Variants in GLT1D1 observed in about 807,000 individuals in gnomAD.
GLT1D1 encodes the protein glycosyltransferase 1 domain-containing protein 1.
GLT1D1 carries 21 observed loss-of-function variants against 28.7 expected under a neutral mutation model. That is an observed-to-expected ratio of 0.73 (90% CI 0.52 to 1.05). The LOEUF is 1.05. GLT1D1 is among the 50% of genes least tolerant of loss of function. The pLI is 0.00. For synonymous variants in GLT1D1, 147 were observed against 124.8 expected (o/e 1.18, Z -1.19); for missense variants, 343 against 330.6 (o/e 1.04, Z -0.29).
At chr12:128,919,978 TCTCTCTCTCTCTCCCCCTCC>T (rs766266267) in intron 4 of GLT1D1, among the ~76,000 whole-genome samples, 10 of 64,716 alleles carry the variant, frequency 1.5e-4, no homozygotes, top group African/African-American at 3.5e-4. Flanking sequence ...TCTCTCTCTC[TCTCTCTCTCTCTCCCCCTCC>T]ATCTCTCTCT....
At chr12:128,901,289 A>AT (rs34574373) in intron 4 of GLT1D1, among the ~76,000 whole-genome samples, 68 of 148,958 alleles carry the variant, frequency 4.6e-4, no homozygotes, top group Middle Eastern at 6.9e-3. Flanking sequence ...ACATGTTGTT[A>AT]TTTTTTTTTT....
At chr12:128,959,325 C>T (rs955657019) in intron 7 of GLT1D1, among the ~76,000 whole-genome samples, 30 of 149,048 alleles carry the variant, frequency 2.0e-4, no homozygotes, top group African/African-American at 7.0e-4. Context: ...AGTGTGGTGA[C>T]GTGTCATGCT....
Position 128,853,563 on chromosome 12 carries a change from C to A in GLT1D1, c.-19C>A. On this transcript the variant is annotated 5_prime_UTR_variant, in exon 1 of 8. Transcript: ENST00000281703. The stretch of plus-strand genomic sequence containing the variant: ...CGGCGGCGGCGGGGCCGGTCGATGG[C>A]CCGGGCGGCGGCGGCGGCATGCGGC... The A allele has an allele frequency of 9.2e-7, 1 of 1,085,808 alleles. No individual in the cohort carries two copies. Among genetic ancestry groups the A allele is most frequent in the Non-Finnish European group, 1.1e-6 (1 of 895,644 alleles). 67.3% of individuals were successfully genotyped at this position (1,085,808 alleles called of 1,614,324 possible). A position where few individuals can be genotyped will look rare whatever the true frequency, so the allele number is the denominator to read the frequency against.
intron 4 of GLT1D1, among the ~76,000 whole-genome samples, chr12:128,908,370 TTTCTTTTCTTTCTC>T: frequency 1.8e-5 from 1 of 54,678 alleles, no homozygotes; most frequent in Non-Finnish European, 4.8e-5. Flanking sequence ...CTTTTCTTTC[TTTCTTTTCTTTCTC>T]TTTCTTTCTC....
At position 128,956,579 on chromosome 12, in the gene GLT1D1, G is replaced by A. The variant is rs117426959; in HGVS notation, c.541-966G>A. On this transcript the variant is annotated intron_variant, in intron 6 of 7. Transcript: ENST00000281703. ...CCACTAGGATCAACTGTTCATCCCC[G>A]ATCCTCACCTGAATCACTTATTACA... is the stretch of plus-strand genomic sequence containing the variant. 1.6e-3 allele frequency among the ~76,000 whole-genome samples: 245 copies of A among 152,188 alleles called. 3 individuals carry two copies. In the East Asian group the frequency reaches 0.044, roughly 27 times the overall value.
intron 7 of GLT1D1, among the ~76,000 whole-genome samples, chr12:128,970,314 C>A (rs1368254893): frequency 6.6e-6 from 1 of 152,198 alleles, no homozygotes; most frequent in Non-Finnish European, 1.5e-5. Context: ...AAGCCCGCCG[C>A]GCCCTCTCCC....
chr12:128,944,960 C>CT (rs1875836794), intron 4 of GLT1D1: 1 of 550,262 alleles, frequency 1.8e-6, no homozygotes, highest in Admixed American at 3.4e-5. Context: ...CCCCGACCCC[C>CT]AACAGGCCCC....
intron 4 of GLT1D1, among the ~76,000 whole-genome samples, chr12:128,905,755 G>A (rs1346732315): frequency 3.3e-5 from 5 of 152,042 alleles, no homozygotes; most frequent in Non-Finnish European, 4.4e-5. Context: ...CCTAGCACGC[G>A]TGATCAACGT....
At chr12:128,904,750 C>T (rs1870670646) in intron 4 of GLT1D1, among the ~76,000 whole-genome samples, 1 of 151,084 alleles carries the variant, frequency 6.6e-6, no homozygotes, top group South Asian at 2.1e-4. Flanking sequence ...TCTCCTGCCT[C>T]AGCTTCCCAA....
At chr12:128,858,768 A>T (rs1956288242) in intron 1 of GLT1D1, among the ~76,000 whole-genome samples, 1 of 152,166 alleles carries the variant, frequency 6.6e-6, no homozygotes, top group African/African-American at 2.4e-5. Context: ...CACCTTTTAA[A>T]GATCTGAAGA....
intron 1 of GLT1D1, among the ~76,000 whole-genome samples, chr12:128,857,404 A>T (rs961780733): frequency 6.6e-6 from 1 of 152,190 alleles, no homozygotes; most frequent in African/African-American, 2.4e-5. Context: ...GCTGCTATTC[A>T]GGCTTTGATG....
intron 7 of GLT1D1, among the ~76,000 whole-genome samples, chr12:128,981,559 G>A (rs554956420): frequency 3.3e-5 from 5 of 152,278 alleles, no homozygotes; most frequent in African/African-American, 9.6e-5. Context: ...TCTACTGTAC[G>A]ATAAATATTG....
At chr12:128,952,686 T>C (rs1364143365) in intron 6 of GLT1D1, among the ~76,000 whole-genome samples, 1 of 149,494 alleles carries the variant, frequency 6.7e-6, no homozygotes, top group East Asian at 2.0e-4. Context: ...TGTTGGTCAG[T>C]CTGGTCTTGA....
chr12:128,956,744 C>T (rs1433723666), intron 6 of GLT1D1, among the ~76,000 whole-genome samples: 1 of 152,138 alleles, frequency 6.6e-6, no homozygotes, highest in African/African-American at 2.4e-5. Flanking sequence ...CTTTCATTTC[C>T]CTCTCATGAC....
At chr12:128,906,990 G>A in intron 4 of GLT1D1, 1 of 701,678 alleles carries the variant, frequency 1.4e-6, no homozygotes, top group Non-Finnish European at 2.6e-6. Context: ...GTTAGCGCTG[G>A]CCTAATCGGA....
intron 4 of GLT1D1, chr12:128,944,455 G>A (rs1875752443): frequency 7.5e-7 from 1 of 1,336,456 alleles, no homozygotes; most frequent in African/African-American, 1.5e-5. Flanking sequence ...AACCATCTCT[G>A]GTTTATCATC....
At chr12:128,934,196 G>GTTTTTTTTTTTTT (rs1410503648) in intron 4 of GLT1D1, among the ~76,000 whole-genome samples, 1 of 128,686 alleles carries the variant, frequency 7.8e-6, no homozygotes, top group Non-Finnish European at 1.6e-5. Flanking sequence ...CAAAGAGACA[G>GTTTTTTTTTTTTT]TCTTTTTTTT....
chr12:128,906,042 G>A (rs1221614443), intron 4 of GLT1D1, among the ~76,000 whole-genome samples: 5 of 151,402 alleles, frequency 3.3e-5, no homozygotes, highest in African/African-American at 4.9e-5. Context: ...GTCTCACTGC[G>A]TTGCCCAGGC....
intron 4 of GLT1D1, among the ~76,000 whole-genome samples, chr12:128,913,511 G>A (rs1478328576): frequency 3.3e-5 from 5 of 152,142 alleles, no homozygotes; most frequent in African/African-American, 9.7e-5. Flanking sequence ...GTGAGCCACC[G>A]TGCCCGGCCT....
Sources: allele counts gnomAD v4.1 joint callset (sites outside exome capture counted in the v4.1 genomes callset), GRCh38; gene constraint gnomAD v4.1.1; transcripts MANE v1.5; gene names NCBI Gene and HGNC (gene_info 2026-07-23, HGNC 2026-07-21).